Variants in HS3ST4 observed in about 807,000 individuals in gnomAD.
HS3ST4 encodes the protein heparan sulfate-glucosamine 3-sulfotransferase 4, also known as heparan sulfate glucosamine 3-O-sulfotransferase 4.
In HS3ST4, 17 loss-of-function variants were observed where a neutral mutation model predicts 29.2. The observed-to-expected ratio is 0.58, with a 90% CI of 0.40 to 0.87. HS3ST4 has a LOEUF of 0.87. Ranked by LOEUF, HS3ST4 falls within the 40% of genes least tolerant of loss-of-function variation. HS3ST4 has a pLI of 0.00. For missense variants in HS3ST4, 627 were observed against 634.5 expected (o/e 0.99, Z 0.13); for synonymous variants, 314 against 285.7 (o/e 1.10, Z -1.00).
chr16:26,079,549 A>G (rs1481901755), intron 1 of HS3ST4, among the ~76,000 whole-genome samples: 1 of 152,240 alleles, frequency 6.6e-6, no homozygotes, highest in East Asian at 1.9e-4. Context: ...CCATTTAAAC[A>G]TCACAATCAC....
intron 1 of HS3ST4, among the ~76,000 whole-genome samples, chr16:25,867,100 G>A (rs1036401548): frequency 6.6e-6 from 1 of 152,140 alleles, no homozygotes; most frequent in Admixed American, 6.5e-5. Flanking sequence ...TACTTTGATA[G>A]AATTAAAACA....
intron 1 of HS3ST4, among the ~76,000 whole-genome samples, chr16:25,955,448 A>G (rs1406262192): frequency 2.0e-5 from 3 of 152,194 alleles, no homozygotes; most frequent in Non-Finnish European, 4.4e-5. Context: ...GGTCTCCTGG[A>G]AACCCATAAA....
At chr16:25,930,805 G>C (rs544262994) in intron 1 of HS3ST4, among the ~76,000 whole-genome samples, 1 of 152,032 alleles carries the variant, frequency 6.6e-6, no homozygotes, top group Non-Finnish European at 1.5e-5. Context: ...TTTTCCAATG[G>C]CACCAGCAAA....
intron 1 of HS3ST4, among the ~76,000 whole-genome samples, chr16:25,871,307 C>G (rs1967750142): frequency 6.6e-6 from 1 of 152,142 alleles, no homozygotes; most frequent in Non-Finnish European, 1.5e-5. Context: ...GTGGAGAGTC[C>G]TTAAGCCAGA....
intron 1 of HS3ST4, among the ~76,000 whole-genome samples, chr16:25,752,239 A>G (rs1966726734): frequency 6.6e-6 from 1 of 152,172 alleles, no homozygotes; most frequent in Admixed American, 6.5e-5. Flanking sequence ...AGCTTTAGAT[A>G]AGTTTCACAA....
chr16:25,787,808 A>G (rs1355846593), intron 1 of HS3ST4, among the ~76,000 whole-genome samples: 2 of 152,236 alleles, frequency 1.3e-5, no homozygotes, highest in Admixed American at 6.5e-5. Flanking sequence ...TAGAAAATTC[A>G]TATGATTTTC....
chr16:25,963,445 G>A (rs534790377), intron 1 of HS3ST4, among the ~76,000 whole-genome samples: 30 of 152,254 alleles, frequency 2.0e-4, no homozygotes, highest in African/African-American at 6.3e-4. Context: ...AGAATATTGG[G>A]AATATTCCCA....
chr16:26,040,215 T>C (rs1969623118), intron 1 of HS3ST4, among the ~76,000 whole-genome samples: 1 of 152,212 alleles, frequency 6.6e-6, no homozygotes, highest in African/African-American at 2.4e-5. Context: ...TTACTGGAAA[T>C]TAGATTCTCT....
intron 1 of HS3ST4, among the ~76,000 whole-genome samples, chr16:26,044,017 A>G (rs1898236076): frequency 1.3e-5 from 2 of 152,232 alleles, no homozygotes; most frequent in Admixed American, 1.3e-4. Flanking sequence ...AGCATAGGAA[A>G]TTGAAGCACA....
At chr16:26,098,857 G>T (rs1437729080) in intron 1 of HS3ST4, among the ~76,000 whole-genome samples, 1 of 152,084 alleles carries the variant, frequency 6.6e-6, no homozygotes, top group East Asian at 1.9e-4. Context: ...GGAGGGTGTT[G>T]GTATACCTAA....
intron 1 of HS3ST4, among the ~76,000 whole-genome samples, chr16:25,973,620 G>C (rs58929406): frequency 1.3e-5 from 2 of 152,142 alleles, no homozygotes; most frequent in East Asian, 1.9e-4. Flanking sequence ...GACCTTGGGC[G>C]TGTGGTTTAA....
intron 1 of HS3ST4, among the ~76,000 whole-genome samples, chr16:25,874,549 A>G (rs1192663773): frequency 1.3e-5 from 2 of 152,066 alleles, no homozygotes; most frequent in Admixed American, 1.3e-4. Flanking sequence ...AATCCCACCC[A>G]TCCATCAATT....
chr16:25,846,849 C>T (rs962760632), intron 1 of HS3ST4, among the ~76,000 whole-genome samples: 2 of 152,028 alleles, frequency 1.3e-5, no homozygotes, highest in Admixed American at 6.6e-5. Flanking sequence ...TCAAGTTTTC[C>T]GCATGTGCAC....
chr16:25,949,690 A>G (rs1443918150), intron 1 of HS3ST4, among the ~76,000 whole-genome samples: 4 of 152,170 alleles, frequency 2.6e-5, no homozygotes, highest in African/African-American at 9.7e-5. Context: ...GAGAAATATC[A>G]TGAATAAGGG....
chr16:25,853,630 A>G (rs1967543573), intron 1 of HS3ST4, among the ~76,000 whole-genome samples: 2 of 152,176 alleles, frequency 1.3e-5, no homozygotes, highest in South Asian at 4.1e-4. Context: ...AGTTTTATGC[A>G]ATGCTTTTTT....
At chr16:25,848,965 C>T (rs568514885) in intron 1 of HS3ST4, among the ~76,000 whole-genome samples, 1 of 152,112 alleles carries the variant, frequency 6.6e-6, no homozygotes, top group South Asian at 2.1e-4. Context: ...ATGTAGGGTT[C>T]CAGTTGTTCG....
intron 1 of HS3ST4, among the ~76,000 whole-genome samples, chr16:25,778,756 G>GAGGAGA (rs1261260399): frequency 6.6e-6 from 1 of 151,844 alleles, no homozygotes; most frequent in Non-Finnish European, 1.5e-5. Flanking sequence ...GAAGAAGGAG[G>GAGGAGA]AGGAGAAGAA....
chr16:26,030,557 C>T (rs1466128386), intron 1 of HS3ST4, among the ~76,000 whole-genome samples: 1 of 152,154 alleles, frequency 6.6e-6, no homozygotes, highest in African/African-American at 2.4e-5. Context: ...TTTTCTCCTT[C>T]TATAACCCAA....
chr16:25,701,047 CA>C (rs1042992989), intron 1 of HS3ST4, among the ~76,000 whole-genome samples: 8 of 152,126 alleles, frequency 5.3e-5, no homozygotes, highest in African/African-American at 1.9e-4. Flanking sequence ...AACTTGGTTT[CA>C]GGAAAAACTG....
Sources: gnomAD v4.1 joint callset for allele counts (sites outside exome capture counted in the v4.1 genomes callset) on GRCh38, gnomAD v4.1.1 for gene constraint, MANE v1.5 for transcripts, NCBI Gene and HGNC (gene_info 2026-07-23, HGNC 2026-07-21) for gene names.